Variants in TNPO3 observed in about 807,000 individuals in gnomAD.
The protein encoded by TNPO3 is transportin 3.
TNPO3 carries 65 observed loss-of-function variants against 122.8 expected under a neutral mutation model. The ratio of observed to expected loss-of-function variants is 0.53; its 90% CI spans 0.43 to 0.65. The LOEUF is 0.65. TNPO3 is among the 30% of genes least tolerant of loss of function. The probability of loss-of-function intolerance (pLI) is 0.00; values close to 1 mark genes in which losing one functional copy is unlikely to be tolerated. For synonymous variants in TNPO3, 372 were observed against 411.2 expected, an observed-to-expected ratio of 0.90 and a Z score of 1.15; for missense variants, 850 against 1,136.7, an observed-to-expected ratio of 0.75 and a Z score of 3.63.
At chr7:129,030,853 G>A (rs1443169124) in intron 1 of TNPO3, among the ~76,000 whole-genome samples, 1 of 152,082 alleles carries the variant, frequency 6.6e-6, no homozygotes, top group Non-Finnish European at 1.5e-5. Context: ...AGTGCCCCTT[G>A]GCTGCTAAGC....
chr7:128,956,898 ATTT>A (rs1796953375), intron 22 of TNPO3, among the ~76,000 whole-genome samples: 2 of 152,132 alleles, frequency 1.3e-5, no homozygotes, highest in South Asian at 4.1e-4. Flanking sequence ...AAAAATACTT[ATTT>A]GTTTGTTGCC....
intron 20 of TNPO3, among the ~76,000 whole-genome samples, chr7:128,968,759 G>A (rs1393086496): frequency 6.6e-6 from 1 of 152,140 alleles, no homozygotes; most frequent in Non-Finnish European, 1.5e-5. Context: ...AGCTCAGACT[G>A]GAGTGCAGTG....
In TNPO3 at chr7:129,028,649, G is replaced by A. The variant is rs141458994; in HGVS notation, c.121-10492C>T. On this transcript the variant is annotated intron_variant, in intron 1 of 22. Coordinates refer to ENST00000265388, the MANE Select transcript of TNPO3 (RefSeq NM_012470.4). ...ACTACCTTGGGCCAGCATCTCTGGCGGGCAGAAGTAAGGCACTGACAGGCA... is the reference window on the plus strand; with the variant it reads ...ACTACCTTGGGCCAGCATCTCTGGCAGGCAGAAGTAAGGCACTGACAGGCA... Among the ~76,000 whole-genome samples, 107 of 152,286 alleles carry A rather than the reference G, an allele frequency of 7.0e-4. 1 individual carries two copies. Among genetic ancestry groups the A allele is most frequent in the Middle Eastern group, 3.4e-3 (1 of 292 alleles).
At chr7:128,962,543 C>T (rs1365526832) in intron 21 of TNPO3, among the ~76,000 whole-genome samples, 3 of 152,202 alleles carry the variant, frequency 2.0e-5, no homozygotes, top group African/African-American at 7.2e-5. Flanking sequence ...GAGACTGAGT[C>T]ATGCATGGGA....
At chr7:129,010,436 G>A (rs1803060782) in intron 4 of TNPO3, among the ~76,000 whole-genome samples, 1 of 152,060 alleles carries the variant, frequency 6.6e-6, no homozygotes, top group South Asian at 2.1e-4. Context: ...CCAACGTGCT[G>A]GAATTATAAG....
At chr7:129,011,287 G>C (rs1283144300) in intron 4 of TNPO3, among the ~76,000 whole-genome samples, 1 of 152,178 alleles carries the variant, frequency 6.6e-6, no homozygotes, top group East Asian at 1.9e-4. Context: ...CTGTGACTAA[G>C]AACCTGATAC....
At chr7:129,048,830 T>C (rs1808368241) in intron 1 of TNPO3, among the ~76,000 whole-genome samples, 1 of 152,232 alleles carries the variant, frequency 6.6e-6, no homozygotes, top group African/African-American at 2.4e-5. Flanking sequence ...ACAATCAACA[T>C]TTTTAAGAAC....
chr7:129,017,875 T>G, intron 2 of TNPO3, 82 bp downstream of exon 2: 1 of 1,392,320 alleles, frequency 7.2e-7, no homozygotes, highest in Non-Finnish European at 1.0e-6. Flanking sequence ...TTACCTCACA[T>G]GGCCTAGCAA....
intron 17 of TNPO3, among the ~76,000 whole-genome samples, chr7:128,975,594 G>C (rs890909544): frequency 2.0e-5 from 3 of 152,252 alleles, no homozygotes; most frequent in African/African-American, 7.2e-5. Flanking sequence ...AAACCAGGCA[G>C]TAACATGTAA....
At chr7:128,994,680 A>G (rs1413252827) in intron 8 of TNPO3, among the ~76,000 whole-genome samples, 3 of 152,116 alleles carry the variant, frequency 2.0e-5, no homozygotes, top group Admixed American at 1.3e-4. Flanking sequence ...TATTTTTGAG[A>G]CAAGGTCTCG....
At chr7:128,977,923 C>A (rs2129002498) in intron 16 of TNPO3, among the ~76,000 whole-genome samples, 1 of 152,232 alleles carries the variant, frequency 6.6e-6, no homozygotes, top group African/African-American at 2.4e-5. Context: ...AAGGCCAGGA[C>A]CTCCTTAAAA....
At position 128,980,037 on chromosome 7, in the gene TNPO3, A is replaced by G; in HGVS notation, c.1860-6T>C. 2.5e-6 allele frequency: 4 copies of G among 1,613,860 alleles called. No individual in the cohort carries two copies. Among genetic ancestry groups the G allele is most frequent in the Non-Finnish European group, 3.4e-6 (4 of 1,179,748 alleles). On this transcript the variant is annotated splice_region_variant and splice_polypyrimidine_tract_variant and intron_variant, in intron 14 of 22. Transcript: ENST00000265388. ...CCACAATGGGATTGGTATGCCTGGG[A>G]AAAGACAACAGCCCAAAATAGTGAA...
chr7:128,979,914 G>A (rs1799458187), intron 15 of TNPO3, 57 bp downstream of exon 15: 2 of 1,511,342 alleles, frequency 1.3e-6, no homozygotes, highest in Admixed American at 1.7e-5. Flanking sequence ...GTTACCCAAA[G>A]CCCTGTAAGG....
intron 1 of TNPO3, 21 bp downstream of exon 1, chr7:129,054,630 C>T: frequency 1.2e-6 from 2 of 1,612,818 alleles, no homozygotes; most frequent in Non-Finnish European, 1.7e-6. Flanking sequence ...CGGCACAGAA[C>T]TGCCTCTCTG....
At chr7:129,031,082 C>G (rs1222217825) in intron 1 of TNPO3, among the ~76,000 whole-genome samples, 2 of 152,116 alleles carry the variant, frequency 1.3e-5, no homozygotes, top group African/African-American at 4.8e-5. Flanking sequence ...GTCAGGAGTT[C>G]AAGACCAGCC....
rs1796719914 is a variant in TNPO3 at position 128,954,445 on chromosome 7, T to TCC, written c.*970_*971dup. The TCC allele has an allele frequency of 6.6e-6, 1 of 152,134 alleles. No individual in the cohort carries two copies. The highest frequency in any genetic ancestry group is 1.5e-5 in the Non-Finnish European group (1 of 68,022). The allele number at this position is 152,134 out of a possible 1,614,324, so 9.4% of individuals were successfully genotyped here. ...GTAAACATTTTTTCTCCACACACCC[T>TCC]CCCTCTTTTTTTCTCTCATGTCTGT... On this transcript the variant is annotated 3_prime_UTR_variant, in exon 23 of 23. Coordinates refer to ENST00000265388, the MANE Select transcript of TNPO3 (RefSeq NM_012470.4).
chr7:129,014,179 GATC>G (rs1175768184), intron 4 of TNPO3, among the ~76,000 whole-genome samples: 1 of 152,182 alleles, frequency 6.6e-6, no homozygotes, highest in Admixed American at 6.5e-5. Context: ...ATCTCAATTT[GATC>G]ATCACCTGAT....
rs1446430425 is a variant in TNPO3 at position 129,005,948 on chromosome 7, A to AT, written c.553-790dup. 5.9e-5 allele frequency among the ~76,000 whole-genome samples: 9 copies of AT among 151,452 alleles called. No individual in the cohort carries two copies. The East Asian group carries it at 1.2e-3, about 20-fold the overall frequency. Reference sequence around the variant, plus strand: ...AGATGCACATCACCATACCCAGCTAATTTTTTTGTATTTTTAGTAGACACG... The same window carrying AT: ...AGATGCACATCACCATACCCAGCTAATTTTTTTTGTATTTTTAGTAGACACG... On this transcript the variant is annotated intron_variant, in intron 4 of 22. Coordinates refer to ENST00000265388, the MANE Select transcript of TNPO3 (RefSeq NM_012470.4).
chr7:129,035,533 T>C (rs1456745925), intron 1 of TNPO3, among the ~76,000 whole-genome samples: 1 of 152,074 alleles, frequency 6.6e-6, no homozygotes, highest in African/African-American at 2.4e-5. Flanking sequence ...GGTCCATTTA[T>C]TTGAGCCAGG....
Sources: gnomAD v4.1 joint callset for allele counts (sites outside exome capture counted in the v4.1 genomes callset) on GRCh38, gnomAD v4.1.1 for gene constraint, MANE v1.5 for transcripts, NCBI Gene and HGNC (gene_info 2026-07-23, HGNC 2026-07-21) for gene names.